GOSR2: variants seen among roughly 807,000 people sequenced by gnomAD.
GOSR2 encodes the protein golgi SNAP receptor complex member 2.
Under a neutral mutation model 27.9 loss-of-function variants are expected in GOSR2, and 20 were observed. That is an observed-to-expected ratio of 0.72 (90% CI 0.50 to 1.04). GOSR2 has a LOEUF of 1.04. Ranked by LOEUF, GOSR2 falls within the 50% of genes least tolerant of loss-of-function variation. GOSR2 has a pLI of 0.00. For synonymous variants in GOSR2, 91 were observed against 98.8 expected (o/e 0.92, Z 0.47); for missense variants, 261 against 270.5 (o/e 0.97, Z 0.25).
chr17:46,935,956 A>C, intron 5 of GOSR2: 1 of 985,880 alleles, frequency 1.0e-6, no homozygotes, highest in African/African-American at 1.7e-5. Context: ...AGAAACAGTC[A>C]CTCGGAAGTG....
intron 4 of GOSR2, among the ~76,000 whole-genome samples, chr17:46,934,650 A>G (rs532329033): frequency 1.6e-4 from 24 of 152,376 alleles, no homozygotes; most frequent in African/African-American, 5.3e-4. Flanking sequence ...ATTAAGGGGA[A>G]GCCATGGAAA....
intron 1 of GOSR2, chr17:46,923,684 A>AT (rs1381508428): frequency 1.3e-6 from 1 of 766,172 alleles, no homozygotes; most frequent in African/African-American, 1.8e-5. Flanking sequence ...TAAAGACCAC[A>AT]TTTTTATGGT....
downstream of GOSR2, among the ~76,000 whole-genome samples, chr17:46,943,149 C>T (rs1255273015): frequency 2.0e-5 from 3 of 152,164 alleles, no homozygotes; most frequent in African/African-American, 4.8e-5. Context: ...AAGGCTAGCC[C>T]GTCCCCCATG....
At chr17:46,936,080 GCAAGTGACAC>G (rs760565152) in intron 5 of GOSR2, 5 of 985,724 alleles carry the variant, frequency 5.1e-6, no homozygotes, top group Non-Finnish European at 6.0e-6. Context: ...CAGGCAAGCT[GCAAGTGACAC>G]TCACCTCCTG....
At chr17:46,966,234 T>A (rs1481200153) in intron 6 of GOSR2, among the ~76,000 whole-genome samples, 10 of 152,210 alleles carry the variant, frequency 6.6e-5, no homozygotes. Context: ...AAGGCATGGC[T>A]TCATTTAAAA....
chr17:46,935,116 T>C lies in GOSR2; in HGVS notation c.424T>C (p.Leu142=). ...TCACAACGGCATGGATGACCTCATT[T>C]TAGATGGGCACAATATTTTAGATGG... ...KVHNGMDDLI[L]DGHNILDGLR... is the part of the protein sequence containing the mutation. Residue 142 remains leucine, a synonymous_variant, in exon 5 of 6, where the codon TTA becomes CTA. Coordinates refer to ENST00000640051, the MANE Select transcript of GOSR2 (RefSeq NM_004287.5). The C allele has an allele frequency of 6.2e-7, 1 of 1,614,060 alleles. No homozygotes were observed. Among genetic ancestry groups the C allele is most frequent in the East Asian group, 2.2e-5 (1 of 44,888 alleles).
In GOSR2 at chr17:46,940,031, G is replaced by T; in HGVS notation, c.*1271G>T. On this transcript the variant is annotated 3_prime_UTR_variant, in exon 6 of 6. Coordinates refer to ENST00000640051, the MANE Select transcript of GOSR2 (RefSeq NM_004287.5). ...CGGCTCAGTATTAACCCTACCTTTG[G>T]TTGTCCTGCCCTACCTGCTCTGTTA... 3 of 1,042,658 alleles carry T rather than the reference G, an allele frequency of 2.9e-6. No individual in the cohort carries two copies. The highest frequency in any genetic ancestry group is 3.5e-6 in the Non-Finnish European group (3 of 864,442). The allele number at this position is 1,042,658 out of a possible 1,614,324, so 64.6% of individuals were successfully genotyped here. A position where few individuals can be genotyped will look rare whatever the true frequency, so the allele number is the denominator to read the frequency against.
chr17:46,926,291 A>G lies in GOSR2; in HGVS notation c.29+3070A>G, dbSNP rs569865728. Among the ~76,000 whole-genome samples, 43 of 152,338 alleles carry G rather than the reference A, an allele frequency of 2.8e-4. No individual in the cohort carries two copies. The South Asian group carries it at 5.8e-3, about 21-fold the overall frequency. The stretch of plus-strand genomic sequence containing the variant: ...TAAGTAAAGTTAACAACAAACTTAC[A>G]TGATGCTGTGTAGGTTACACAGCGT... On this transcript the variant is annotated intron_variant, in intron 1 of 5. Coordinates refer to ENST00000640051, the MANE Select transcript of GOSR2 (RefSeq NM_004287.5).
At chr17:46,948,263 C>T (rs2090069225) in intron 6 of GOSR2, among the ~76,000 whole-genome samples, 1 of 152,158 alleles carries the variant, frequency 6.6e-6, no homozygotes, top group Non-Finnish European at 1.5e-5. Context: ...GTGCATACTG[C>T]CATGCCTGTA....
intron 6 of GOSR2, among the ~76,000 whole-genome samples, chr17:46,965,822 G>A (rs886950062): frequency 6.6e-6 from 1 of 151,292 alleles, no homozygotes; most frequent in South Asian, 2.1e-4. Flanking sequence ...GTAGAGGCGG[G>A]GTCTCATTAT....
intron 4 of GOSR2, chr17:46,932,648 C>T (rs2087578815): frequency 3.6e-6 from 1 of 275,348 alleles, no homozygotes; most frequent in African/African-American, 2.2e-5. Context: ...TGCCCCTAGT[C>T]TGAGCAGCAA....
At chr17:46,943,369 C>T (rs779630894), downstream of GOSR2, among the ~76,000 whole-genome samples, 1 of 152,244 alleles carries the variant, frequency 6.6e-6, no homozygotes, top group African/African-American at 2.4e-5. Context: ...CAGCCCTCCC[C>T]ACCACCCCTG....
chr17:46,941,215 G>A lies in GOSR2; in HGVS notation c.*2455G>A. 3.0e-6 allele frequency: 3 copies of A among 997,120 alleles called. No homozygotes were observed. The highest frequency in any genetic ancestry group is 3.6e-6 in the Non-Finnish European group (3 of 835,548). The allele number at this position is 997,120 out of a possible 1,614,324, so 61.8% of individuals were successfully genotyped here. A position where few individuals can be genotyped will look rare whatever the true frequency, so the allele number is the denominator to read the frequency against. On this transcript the variant is annotated 3_prime_UTR_variant, in exon 6 of 6. Coordinates refer to ENST00000640051, the MANE Select transcript of GOSR2 (RefSeq NM_004287.5). Reference sequence around the variant, plus strand: ...AACTCCAAGACCAAGTAAGTTAGAGGAGTCTTGATTTTTTAGACTTCACTG... The same window carrying A: ...AACTCCAAGACCAAGTAAGTTAGAGAAGTCTTGATTTTTTAGACTTCACTG...
At chr17:46,942,578 C>G (rs143816641), downstream of GOSR2, among the ~76,000 whole-genome samples, 36 of 152,312 alleles carry the variant, frequency 2.4e-4, no homozygotes, top group Non-Finnish European at 4.6e-4. Flanking sequence ...CTGGCATGGA[C>G]TATAGAGCTA....
At chr17:46,955,181 A>G (rs1385772023) in intron 6 of GOSR2, among the ~76,000 whole-genome samples, 1 of 152,004 alleles carries the variant, frequency 6.6e-6, no homozygotes, top group African/African-American at 2.4e-5. Flanking sequence ...TTATTTTGAG[A>G]TACGTCCCAT....
In GOSR2 at chr17:46,939,052, T is replaced by G; in HGVS notation, c.*292T>G. ...GAGGGAAAGAATGGCTTTGGTGGCT[T>G]TGTTCACATAGCTGATGCGTGCCCT... On this transcript the variant is annotated 3_prime_UTR_variant, in exon 6 of 6. Transcript: ENST00000640051. The G allele has an allele frequency of 7.9e-7, 1 of 1,264,810 alleles. No homozygotes were observed. The highest frequency in any genetic ancestry group is 1.0e-6 in the Non-Finnish European group (1 of 990,058). 78.3% of individuals were successfully genotyped at this position (1,264,810 alleles called of 1,614,324 possible). A position where few individuals can be genotyped will look rare whatever the true frequency, so the allele number is the denominator to read the frequency against.
downstream of GOSR2, among the ~76,000 whole-genome samples, chr17:46,944,352 C>T (rs113520221): frequency 2.6e-5 from 4 of 152,216 alleles, no homozygotes; most frequent in Non-Finnish European, 5.9e-5. Context: ...GCAGCAACCA[C>T]GGGCCACACA....
intron 6 of GOSR2, chr17:46,966,502 C>T: frequency 1.5e-6 from 1 of 683,702 alleles, no homozygotes; most frequent in Non-Finnish European, 2.7e-6. Flanking sequence ...TGCACCCCAC[C>T]ACACCCGATT....
rs768956038 is a variant in GOSR2, at chr17:46,972,470, T to C, written c.616-2729T>C. Among the ~76,000 whole-genome samples the C allele has an allele frequency of 1.7e-4, 26 of 152,246 alleles. No homozygotes were observed. In the South Asian group the frequency reaches 1.9e-3, roughly 11 times the overall value. On this transcript the variant is annotated intron_variant, in intron 6 of 6. Coordinates refer to the GOSR2 transcript ENST00000640723. The stretch of plus-strand genomic sequence containing the variant: ...TTGCACACTGGGCACCCCGAGCCCT[T>C]GCTGAACCTCAGCTTTGGAGCACAA...
Sources: gnomAD v4.1 joint callset for allele counts (sites outside exome capture counted in the v4.1 genomes callset) on GRCh38, gnomAD v4.1.1 for gene constraint, MANE v1.5 for transcripts, NCBI Gene and HGNC (gene_info 2026-07-23, HGNC 2026-07-21) for gene names.